The following CAV3 variants were observed in gnomAD, a reference collection of about 807,000 sequenced individuals.
The protein encoded by CAV3 is caveolin-3.
A neutral mutation model predicts 13.4 loss-of-function variants in CAV3; 10 were observed. The observed-to-expected ratio is 0.75, with a 90% CI of 0.46 to 1.27. CAV3 has a LOEUF of 1.27. Ranked by LOEUF, CAV3 falls within the 50% of genes most tolerant of loss-of-function variation. The probability of loss-of-function intolerance (pLI) is 0.00; values close to 1 mark genes in which losing one functional copy is unlikely to be tolerated. For synonymous variants in CAV3, 90 were observed against 79.0 expected (o/e 1.14, Z -0.74); for missense variants, 162 against 194.0 (o/e 0.83, Z 0.98).
intron 1 of CAV3, among the ~76,000 whole-genome samples, chr3:8,737,994 T>TTCTCTCTCTCTCCTCTTTCTTCTC (rs1707817438): frequency 1.3e-5 from 2 of 151,608 alleles, no homozygotes; most frequent in South Asian, 2.1e-4. Context: ...CTGCTCTCTC[T>TTCTCTCTCTCTCCTCTTTCTTCTC]TCTCTCTCTC....
At chr3:8,738,271 C>T (rs1389268848) in intron 1 of CAV3, among the ~76,000 whole-genome samples, 2 of 152,212 alleles carry the variant, frequency 1.3e-5, no homozygotes, top group African/African-American at 4.8e-5. Flanking sequence ...CAACCCCCTC[C>T]ACCCACATCT....
At chr3:8,740,973 G>A (rs995194070) in intron 1 of CAV3, among the ~76,000 whole-genome samples, 8 of 152,198 alleles carry the variant, frequency 5.3e-5, no homozygotes, top group Non-Finnish European at 1.2e-4. Flanking sequence ...AAGATACATG[G>A]CCCCAAACTG....
chr3:8,739,844 C>T (rs1042596835), intron 1 of CAV3, among the ~76,000 whole-genome samples: 3 of 152,158 alleles, frequency 2.0e-5, no homozygotes, highest in Non-Finnish European at 4.4e-5. Context: ...GGGCAGGGCT[C>T]AGCTTGGCAG....
chr3:8,743,481 C>T (rs781345036), intron 1 of CAV3, among the ~76,000 whole-genome samples: 24 of 152,178 alleles, frequency 1.6e-4, no homozygotes, highest in Non-Finnish European at 3.1e-4. Context: ...TCCTCTCCTC[C>T]CATCCACAGG....
intron 1 of CAV3, among the ~76,000 whole-genome samples, chr3:8,735,988 GA>G (rs756557334): frequency 5.3e-5 from 8 of 152,198 alleles, no homozygotes; most frequent in Non-Finnish European, 8.8e-5. Flanking sequence ...TAGTGATGGA[GA>G]TAGAGTATAC....
At chr3:8,738,596 T>C (rs1707841057) in intron 1 of CAV3, among the ~76,000 whole-genome samples, 1 of 151,948 alleles carries the variant, frequency 6.6e-6, no homozygotes, top group Non-Finnish European at 1.5e-5. Context: ...TCTGGAAAAA[T>C]CAGAAGCCAG....
At chr3:8,739,245 C>T (rs1312810905) in intron 1 of CAV3, among the ~76,000 whole-genome samples, 3 of 152,146 alleles carry the variant, frequency 2.0e-5, no homozygotes, top group Admixed American at 2.0e-4. Flanking sequence ...ACTGCAGATT[C>T]CTTGGCCTTG....
intron 1 of CAV3, chr3:8,742,360 C>CAAAAAAAAAA (rs36055094): frequency 8.3e-6 from 2 of 242,210 alleles, no homozygotes; most frequent in Non-Finnish European, 8.1e-6. Flanking sequence ...CTGCAAACAC[C>CAAAAAAAAAA]AAAAAAAAAA....
intron 1 of CAV3, among the ~76,000 whole-genome samples, chr3:8,741,010 T>C (rs534467751): frequency 6.6e-6 from 1 of 152,392 alleles, no homozygotes; most frequent in African/African-American, 2.4e-5. Flanking sequence ...ATATACATCG[T>C]GGGTGTTACC....
intron 1 of CAV3, among the ~76,000 whole-genome samples, chr3:8,744,439 C>T (rs1042776118): frequency 6.8e-6 from 1 of 146,872 alleles, no homozygotes; most frequent in Non-Finnish European, 1.5e-5. Context: ...CTGCCATACC[C>T]GGCTAATTTT....
At chr3:8,734,058 G>C in intron 1 of CAV3, 68 bp downstream of exon 1, 2 of 852,196 alleles carry the variant, frequency 2.3e-6, no homozygotes, top group East Asian at 4.9e-5. Flanking sequence ...CGCTTGGCAG[G>C]GGAGGGTATC....
At position 8,733,916 on chromosome 3, in the gene CAV3, G is replaced by A. The variant is rs121909281; in HGVS notation, c.40G>A (p.Val14Ile). 2.7e-4 allele frequency: 434 copies of A among 1,613,380 alleles called. 2 individuals carry two copies. Among genetic ancestry groups the A allele is most frequent in the African/African-American group, 2.5e-3 (190 of 75,020 alleles). Residue 14 changes from valine (V) to isoleucine (I), a missense_variant, in exon 1 of 2, where the codon GTC becomes ATC. Val to Ile is a conservative substitution (Grantham distance 29). Transcript: ENST00000343849. ...EEHTDLEAQI[V>I]KDIHCKEIDL... ...GCACACAGATCTCGAGGCCCAGATC[G>A]TCAAGGATATCCACTGCAAGGAGAT...
intron 1 of CAV3, among the ~76,000 whole-genome samples, chr3:8,739,221 G>C (rs915989347): frequency 3.3e-5 from 5 of 152,152 alleles, no homozygotes; most frequent in African/African-American, 1.2e-4. Context: ...TCCAGTGGTG[G>C]GGGCACTTAC....
At chr3:8,734,778 G>A (rs186496312) in intron 1 of CAV3, among the ~76,000 whole-genome samples, 5 of 152,286 alleles carry the variant, frequency 3.3e-5, no homozygotes, top group East Asian at 1.9e-4. Context: ...GAGTGCAGTC[G>A]CACACTCACG....
intron 1 of CAV3, among the ~76,000 whole-genome samples, chr3:8,735,015 G>A (rs571113741): frequency 1.4e-4 from 22 of 152,262 alleles, no homozygotes; most frequent in African/African-American, 5.1e-4. Flanking sequence ...AACTGGCTCA[G>A]AGGTACCTTT....
chr3:8,736,286 A>G (rs907995801), intron 1 of CAV3, among the ~76,000 whole-genome samples: 11 of 152,220 alleles, frequency 7.2e-5, no homozygotes, highest in African/African-American at 2.7e-4. Context: ...ATTTACCTCC[A>G]CCAGGTAAAC....
Position 8,745,432 on chromosome 3 carries a change from C to T in CAV3, c.115-94C>T, listed in dbSNP as rs1708121687. On this transcript the variant is annotated intron_variant, in intron 1 of 1. Transcript: ENST00000343849. The surrounding 1 kb of genome is among the most constrained non-coding windows in gnomAD (Gnocchi z 4.8). Reference sequence around the variant, plus strand: ...GTCCAGCCACCAAGGTTAACCTGACCTCTAGGGGATTCTGACACATGCACG... The same window carrying T: ...GTCCAGCCACCAAGGTTAACCTGACTTCTAGGGGATTCTGACACATGCACG... 7.3e-6 allele frequency: 7 copies of T among 955,096 alleles called. No individual in the cohort carries two copies. The highest frequency in any genetic ancestry group is 1.9e-5 in the Admixed American group (1 of 53,570). The allele number at this position is 955,096 out of a possible 1,614,324, so 59.2% of individuals were successfully genotyped here.
At position 8,734,009 on chromosome 3, in the gene CAV3, C is replaced by T; in HGVS notation, c.114+19C>T. The T allele has an allele frequency of 3.4e-6, 5 of 1,450,954 alleles. No individual in the cohort carries two copies. In the South Asian group the frequency reaches 5.7e-5, roughly 17 times the overall value. The allele number at this position is 1,450,954 out of a possible 1,614,324, so 89.9% of individuals were successfully genotyped here. On this transcript the variant is annotated intron_variant, in intron 1 of 1. Coordinates refer to ENST00000343849, the MANE Select transcript of CAV3 (RefSeq NM_033337.3). Reference sequence around the variant, plus strand: ...AGTCAAGGTAGGCTCTGCAGGCCTGCCTCGGCGGGCGGAGAGTGTCAGGTT... The same window carrying T: ...AGTCAAGGTAGGCTCTGCAGGCCTGTCTCGGCGGGCGGAGAGTGTCAGGTT...
At chr3:8,734,073 G>A (rs1707660499) in intron 1 of CAV3, 83 bp downstream of exon 1, 3 of 771,428 alleles carry the variant, frequency 3.9e-6, no homozygotes, top group Admixed American at 1.9e-5. Flanking sequence ...GGTATCTGCT[G>A]CAGACACAGT....
Sources: gnomAD v4.1 joint callset for allele counts (sites outside exome capture counted in the v4.1 genomes callset) on GRCh38, gnomAD v4.1.1 for gene constraint, Gnocchi (gnomAD v3.1) non-coding constraint, MANE v1.5 for transcripts, NCBI Gene and HGNC (gene_info 2026-07-23, HGNC 2026-07-21) for gene names.